Variants in DCP1B observed in about 807,000 individuals in gnomAD.
The protein encoded by DCP1B is mRNA-decapping enzyme 1B.
Under a neutral mutation model 60.5 loss-of-function variants are expected in DCP1B, and 47 were observed. The observed-to-expected ratio is 0.78, with a 90% CI of 0.61 to 0.99. DCP1B has a LOEUF of 0.99. Ranked by LOEUF, DCP1B falls within the 50% of genes least tolerant of loss-of-function variation. The pLI is 0.00. For missense variants in DCP1B, 725 were observed against 756.8 expected (o/e 0.96, Z 0.49); for synonymous variants, 267 against 280.3 (o/e 0.95, Z 0.47).
At chr12:1,998,396 G>A (rs1034505790) in intron 1 of DCP1B, among the ~76,000 whole-genome samples, 1 of 152,144 alleles carries the variant, frequency 6.6e-6, no homozygotes, top group African/African-American at 2.4e-5. Flanking sequence ...TTTGTTTTCT[G>A]GGTTCATTTT....
At chr12:1,984,778 T>TTAAAAA (rs1230989393) in intron 3 of DCP1B, among the ~76,000 whole-genome samples, 38 of 81,332 alleles carry the variant, frequency 4.7e-4, no homozygotes, top group South Asian at 1.0e-3. Context: ...GGTCTTCTGG[T>TTAAAAA]AAAAAAAAAA....
intron 5 of DCP1B, among the ~76,000 whole-genome samples, chr12:1,955,781 T>A (rs187440291): frequency 1.1e-4 from 16 of 152,316 alleles, no homozygotes; most frequent in Non-Finnish European, 2.1e-4. Flanking sequence ...GCTCTAAATA[T>A]TACTAACAAC....
At chr12:1,998,832 T>C (rs1168318984) in intron 1 of DCP1B, among the ~76,000 whole-genome samples, 1 of 152,234 alleles carries the variant, frequency 6.6e-6, no homozygotes, top group East Asian at 1.9e-4. Context: ...GCAATTTACA[T>C]GGTTTAATTT....
Position 1,964,876 on chromosome 12 carries a change from C to G in DCP1B, c.522+682G>C, listed in dbSNP as rs113152140. 1.2e-3 allele frequency among the ~76,000 whole-genome samples: 178 copies of G among 152,264 alleles called. 1 individual carries two copies. The highest frequency in any genetic ancestry group is 3.7e-3 in the African/African-American group (154 of 41,554). On this transcript the variant is annotated intron_variant, in intron 5 of 8. Coordinates refer to ENST00000280665, the MANE Select transcript of DCP1B (RefSeq NM_152640.5). ...TCAGGGAGAGCTCGCTCCATCCCCCCACTCATCTCCCCCACCTCCAACCCC... is the reference window on the plus strand; with the variant it reads ...TCAGGGAGAGCTCGCTCCATCCCCCGACTCATCTCCCCCACCTCCAACCCC...
At chr12:1,984,194 T>G (rs1258700454) in intron 3 of DCP1B, among the ~76,000 whole-genome samples, 1 of 152,088 alleles carries the variant, frequency 6.6e-6, no homozygotes, top group East Asian at 1.9e-4. Flanking sequence ...GGCAATCTCT[T>G]TTAATCACTA....
chr12:1,994,247 T>C (rs1263452233), intron 2 of DCP1B, among the ~76,000 whole-genome samples: 3 of 152,184 alleles, frequency 2.0e-5, no homozygotes, highest in Admixed American at 2.0e-4. Context: ...ACACTGAAGC[T>C]GAAGCAAGCA....
chr12:1,972,179 C>T (rs1172787728), intron 3 of DCP1B, among the ~76,000 whole-genome samples: 1 of 152,230 alleles, frequency 6.6e-6, no homozygotes, highest in Non-Finnish European at 1.5e-5. Context: ...ATTACACAAA[C>T]CTCTTCTGGG....
In DCP1B at chr12:1,949,112, G is replaced by A; in HGVS notation, c.1747C>T (p.Gln583Ter). 1 of 1,613,852 alleles carries A rather than the reference G, an allele frequency of 6.2e-7. No homozygotes were observed. Among genetic ancestry groups the A allele is most frequent in the Non-Finnish European group, 8.5e-7 (1 of 1,179,760 alleles). The change falls in exon 8 of 9, where the codon CAG (glutamine) becomes TAG (stop). Residue 583 changes from glutamine to a stop codon, truncating the protein, a stop_gained. Transcript: ENST00000280665. LOFTEE classifies it high-confidence loss of function. ...TGAATGAGGTACAGCAGTGCCTCCT[G>A]GAGCTGGAGCTTGGTGAGTGGGCTG... ...TSSPLTKLQL[Q>*]EALLYLIQND...
chr12:1,999,606 G>C (rs2041724168), intron 1 of DCP1B, among the ~76,000 whole-genome samples: 1 of 152,126 alleles, frequency 6.6e-6, no homozygotes. Context: ...CATGCCGGTA[G>C]TCTCAGCTAC....
rs2030727506 is a variant in DCP1B, at chr12:1,952,739, C to G, written c.1201G>C (p.Ala401Pro). 3.1e-6 allele frequency: 5 copies of G among 1,613,980 alleles called. No individual in the cohort carries two copies. The highest frequency in any genetic ancestry group is 4.2e-6 in the Non-Finnish European group (5 of 1,180,018). The change falls in exon 7 of 9, where the codon GCT (alanine) becomes CCT (proline). Residue 401 changes from alanine to proline, a missense_variant. Physicochemically the swap from Ala to Pro is conservative, Grantham distance 27. Coordinates refer to ENST00000280665, the MANE Select transcript of DCP1B (RefSeq NM_152640.5). The stretch of plus-strand genomic sequence containing the variant: ...TTGAAATAGGCCTGTGGTGGCTGAG[C>G]CAGACCCTTTCCTGGAGCCACAGGG... ...VTPVAPGKGL[A>P]QPPQAYFNGS...
intron 3 of DCP1B, among the ~76,000 whole-genome samples, chr12:1,981,128 C>A (rs1385843447): frequency 6.6e-6 from 1 of 152,142 alleles, no homozygotes; most frequent in Non-Finnish European, 1.5e-5. Context: ...CTCACAATCA[C>A]CTCTAGGAAC....
chr12:1,995,291 A>G (rs1475077886), intron 2 of DCP1B, among the ~76,000 whole-genome samples: 1 of 152,258 alleles, frequency 6.6e-6, no homozygotes, highest in Non-Finnish European at 1.5e-5. Flanking sequence ...TCACTTCTCC[A>G]AAGAATCATA....
At chr12:1,969,284 A>G (rs1054813849) in intron 3 of DCP1B, among the ~76,000 whole-genome samples, 2 of 152,200 alleles carry the variant, frequency 1.3e-5, no homozygotes, top group African/African-American at 4.8e-5. Flanking sequence ...CAAAAGGTAC[A>G]AGAAATGTCT....
chr12:1,974,420 T>C (rs896846270), intron 3 of DCP1B, among the ~76,000 whole-genome samples: 3 of 152,182 alleles, frequency 2.0e-5, no homozygotes, highest in Middle Eastern at 3.2e-3. Flanking sequence ...CATTAGGATA[T>C]GAGCTCCCGA....
chr12:1,992,980 C>T (rs1319839716), intron 3 of DCP1B: 6 of 610,064 alleles, frequency 9.8e-6, no homozygotes, highest in Non-Finnish European at 1.7e-5. Context: ...CCCAGCCCTG[C>T]TCAGGCTTAA....
intron 1 of DCP1B, among the ~76,000 whole-genome samples, chr12:2,000,370 C>T (rs1270026498): frequency 1.3e-5 from 2 of 151,980 alleles, no homozygotes; most frequent in Non-Finnish European, 2.9e-5. Context: ...TCTTAGAGAT[C>T]TGAATAAGGA....
chr12:1,965,482 C>G (rs1290333973), intron 5 of DCP1B, 76 bp downstream of exon 5: 3 of 1,469,474 alleles, frequency 2.0e-6, no homozygotes, highest in East Asian at 2.6e-5. Context: ...TCCACAGTAC[C>G]TAGTCTTGCT....
chr12:1,974,477 C>G lies in DCP1B; in HGVS notation c.320-6567G>C, dbSNP rs137855022. Among the ~76,000 whole-genome samples the G allele has an allele frequency of 7.6e-3, 1,156 of 152,248 alleles. 11 individuals carry two copies. Among genetic ancestry groups the G allele is most frequent in the African/African-American group, 0.026 (1,095 of 41,536 alleles). ...CCAGCACTATGTAGACACTAATGTACTCGTTTAATGTGTATTTACTATTAC... is the reference window on the plus strand; with the variant it reads ...CCAGCACTATGTAGACACTAATGTAGTCGTTTAATGTGTATTTACTATTAC... On this transcript the variant is annotated intron_variant, in intron 3 of 8. Transcript: ENST00000280665.
At chr12:2,002,581 T>C (rs2042416554) in intron 1 of DCP1B, among the ~76,000 whole-genome samples, 1 of 152,200 alleles carries the variant, frequency 6.6e-6, no homozygotes, top group African/African-American at 2.4e-5. Flanking sequence ...TCTATCACAT[T>C]GATAAGGGTC....
Sources: gnomAD v4.1 joint callset for allele counts (sites outside exome capture counted in the v4.1 genomes callset) on GRCh38, gnomAD v4.1.1 for gene constraint, MANE v1.5 for transcripts, NCBI Gene and HGNC (gene_info 2026-07-23, HGNC 2026-07-21) for gene names.